The following PRR16 variants were observed in gnomAD, a reference collection of about 807,000 sequenced individuals.
PRR16 encodes the protein proline rich 16, also known as protein Largen.
In PRR16, 6 loss-of-function variants were observed where a neutral mutation model predicts 18.2. That is an observed-to-expected ratio of 0.33 (90% CI 0.18 to 0.65). The LOEUF (loss-of-function observed/expected upper bound fraction) is 0.65. PRR16 is among the 30% of genes least tolerant of loss of function. PRR16 has a pLI of 0.74. For missense variants in PRR16, 412 were observed against 376.6 expected, an observed-to-expected ratio of 1.09 and a Z score of -0.78; for synonymous variants, 151 against 147.8, an observed-to-expected ratio of 1.02 and a Z score of -0.16.
At chr5:120,789,045 G>A in the PRR16 span, among the ~76,000 whole-genome samples, 3 of 151,806 alleles carry the variant, frequency 2.0e-5, 1 homozygote, top group African/African-American at 7.2e-5. Flanking sequence ...CATTCTCTTT[G>A]GGGTTTGCCT....
the PRR16 span, among the ~76,000 whole-genome samples, chr5:120,780,867 T>C: frequency 1.3e-5 from 2 of 152,062 alleles, no homozygotes; most frequent in African/African-American, 4.8e-5. Flanking sequence ...CTGGCCAACA[T>C]GGTGAAACCC....
At chr5:120,776,520 T>A in the PRR16 span, among the ~76,000 whole-genome samples, 2 of 151,944 alleles carry the variant, frequency 1.3e-5, no homozygotes, top group African/African-American at 4.8e-5. Context: ...ACATTAGAGC[T>A]TGGATTTCAG....
chr5:120,693,832 G>GTAACATTTAAA, the PRR16 span, among the ~76,000 whole-genome samples: 2 of 152,056 alleles, frequency 1.3e-5, no homozygotes, highest in Non-Finnish European at 2.9e-5. Context: ...CTTTCTTGTA[G>GTAACATTTAAA]TAACATTTAT....
the PRR16 span, among the ~76,000 whole-genome samples, chr5:120,742,014 G>T: frequency 1.3e-5 from 2 of 152,084 alleles, no homozygotes; most frequent in South Asian, 2.1e-4. Context: ...AGCATTTTCT[G>T]TGTCTATTAA....
At chr5:120,791,153 C>A in the PRR16 span, among the ~76,000 whole-genome samples, 1 of 151,956 alleles carries the variant, frequency 6.6e-6, no homozygotes, top group Non-Finnish European at 1.5e-5. Flanking sequence ...CTAAATAAAT[C>A]TGTTGTTTGT....
the PRR16 span, among the ~76,000 whole-genome samples, chr5:120,771,027 C>A: frequency 1.5e-5 from 2 of 136,306 alleles, no homozygotes. Context: ...TTTGAGAATT[C>A]TTTAATTTTT....
intron 1 of PRR16, among the ~76,000 whole-genome samples, chr5:120,478,123 T>C (rs893421940): frequency 3.9e-5 from 6 of 152,184 alleles, no homozygotes; most frequent in Admixed American, 6.6e-5. Context: ...GGCTGGCATG[T>C]AGTAGATGCT....
intron 1 of PRR16, among the ~76,000 whole-genome samples, chr5:120,680,836 T>C (rs1561613119): frequency 6.6e-6 from 1 of 152,222 alleles, no homozygotes. Flanking sequence ...TTGTGTTCAC[T>C]TCACGTGAAT....
chr5:120,767,639 A>C, the PRR16 span, among the ~76,000 whole-genome samples: 2 of 151,910 alleles, frequency 1.3e-5, no homozygotes, highest in Non-Finnish European at 2.9e-5. Context: ...TGGAAGTACT[A>C]TTTCACAACA....
the PRR16 span, among the ~76,000 whole-genome samples, chr5:120,706,965 T>C: frequency 5.9e-5 from 9 of 152,296 alleles, no homozygotes; most frequent in Non-Finnish European, 7.4e-5. Context: ...ACATTATACA[T>C]AGGGACACTA....
chr5:120,687,257 T>G lies in PRR16; in HGVS notation c.*548T>G, dbSNP rs1406284536. On this transcript the variant is annotated 3_prime_UTR_variant, in exon 2 of 2. Transcript: ENST00000407149. ...TCAGCTATATATGTAATAAAATACT[T>G]TGGTCTGTGGAAATATTGTTAAATC... 1 of 152,202 alleles carries G rather than the reference T, an allele frequency of 6.6e-6. No individual in the cohort carries two copies. Among genetic ancestry groups the G allele is most frequent in the African/African-American group, 2.4e-5 (1 of 41,454 alleles). 9.4% of individuals were successfully genotyped at this position (152,202 alleles called of 1,614,324 possible).
chr5:120,788,160 A>G, the PRR16 span, among the ~76,000 whole-genome samples: 2 of 151,850 alleles, frequency 1.3e-5, no homozygotes, highest in East Asian at 1.9e-4. Flanking sequence ...TGTGTCACCA[A>G]TTTTTTACTA....
At position 120,589,975 on chromosome 5, in the gene PRR16, A is replaced by T. The variant is rs780990655; in HGVS notation, c.160-95979A>T. ...GTAGTTTTCCCTTAAGTGTATGGTGATAGCTTTCCTTCCCTACTCAAAAGA... is the reference window on the plus strand; with the variant it reads ...GTAGTTTTCCCTTAAGTGTATGGTGTTAGCTTTCCTTCCCTACTCAAAAGA... On this transcript the variant is annotated intron_variant, in intron 1 of 1. Transcript: ENST00000407149. 9.9e-5 allele frequency among the ~76,000 whole-genome samples: 15 copies of T among 152,086 alleles called. 1 individual carries two copies. The highest frequency in any genetic ancestry group is 1.9e-4 in the Non-Finnish European group (13 of 68,012).
chr5:120,606,206 C>G (rs542609934), intron 1 of PRR16, among the ~76,000 whole-genome samples: 35 of 152,218 alleles, frequency 2.3e-4, no homozygotes, highest in African/African-American at 8.2e-4. Context: ...CCAGAATGTG[C>G]CAGCATCCTT....
At chr5:120,493,909 A>G (rs1750153551) in intron 1 of PRR16, among the ~76,000 whole-genome samples, 1 of 152,096 alleles carries the variant, frequency 6.6e-6, no homozygotes, top group African/African-American at 2.4e-5. Flanking sequence ...GTATAGATGT[A>G]CCATAGTTTG....
chr5:120,608,291 A>G (rs1347958733), intron 1 of PRR16, among the ~76,000 whole-genome samples: 2 of 152,156 alleles, frequency 1.3e-5, no homozygotes, highest in Non-Finnish European at 2.9e-5. Context: ...CTAGTCTTGA[A>G]GTAAAAAGAG....
intron 1 of PRR16, among the ~76,000 whole-genome samples, chr5:120,591,231 A>T (rs900126737): frequency 6.6e-6 from 1 of 152,088 alleles, no homozygotes; most frequent in African/African-American, 2.4e-5. Context: ...GTGAGCCGAG[A>T]TCGTGCCACT....
the PRR16 span, among the ~76,000 whole-genome samples, chr5:120,777,221 A>C: frequency 6.6e-6 from 1 of 152,094 alleles, no homozygotes; most frequent in Non-Finnish European, 1.5e-5. Context: ...TAACCAAATG[A>C]GTTTTATTGT....
chr5:120,768,544 A>G, the PRR16 span, among the ~76,000 whole-genome samples: 1 of 151,656 alleles, frequency 6.6e-6, no homozygotes, highest in African/African-American at 2.4e-5. Context: ...GGAACTCCGA[A>G]TCCTGAATTA....
Sources: gnomAD v4.1 joint callset for allele counts (sites outside exome capture counted in the v4.1 genomes callset) on GRCh38, gnomAD v4.1.1 for gene constraint, MANE v1.5 for transcripts, NCBI Gene and HGNC (gene_info 2026-07-23, HGNC 2026-07-21) for gene names.